Variants in EPHX2 observed in about 807,000 individuals in gnomAD.
EPHX2 encodes bifunctional epoxide hydrolase 2.
EPHX2 carries 74 observed loss-of-function variants against 78.7 expected under a neutral mutation model. The observed-to-expected ratio is 0.94, with a 90% CI of 0.78 to 1.14. The LOEUF (loss-of-function observed/expected upper bound fraction) is 1.14. Among genes scored for constraint, EPHX2 ranks in the 50% most tolerant of loss-of-function variants. The pLI is 0.00. For synonymous variants in EPHX2, 251 were observed against 255.2 expected (o/e 0.98, Z 0.16); for missense variants, 715 against 702.5 (o/e 1.02, Z -0.20).
intron 1 of EPHX2, among the ~76,000 whole-genome samples, chr8:27,494,351 G>A (rs1255922162): frequency 6.6e-6 from 1 of 152,208 alleles, no homozygotes; most frequent in Non-Finnish European, 1.5e-5. Flanking sequence ...CACAGTGAAG[G>A]TGATATTGTA....
chr8:27,520,361 T>C (rs1187133887), intron 9 of EPHX2, among the ~76,000 whole-genome samples: 1 of 151,742 alleles, frequency 6.6e-6, no homozygotes, highest in African/African-American at 2.4e-5. Flanking sequence ...TTGGGTTTTT[T>C]TTTTGAGATG....
At chr8:27,531,224 G>A (rs906923568) in intron 12 of EPHX2, among the ~76,000 whole-genome samples, 1 of 152,170 alleles carries the variant, frequency 6.6e-6, no homozygotes, top group Non-Finnish European at 1.5e-5. Flanking sequence ...CTTCAACGAG[G>A]CACTTAAGGC....
At chr8:27,536,727 G>A (rs1815223290) in intron 12 of EPHX2, 57 bp from the exon 13 acceptor site, 2 of 1,588,640 alleles carry the variant, frequency 1.3e-6, no homozygotes, top group African/African-American at 1.3e-5. Context: ...ATGAAGGAGG[G>A]GTACAGTTTC....
intron 1 of EPHX2, among the ~76,000 whole-genome samples, chr8:27,497,319 G>A (rs1813607020): frequency 6.6e-6 from 1 of 152,180 alleles, no homozygotes; most frequent in South Asian, 2.1e-4. Flanking sequence ...TTGGCATAGT[G>A]GACATGGGTG....
intron 15 of EPHX2, 121 bp from the exon 16 acceptor site, chr8:27,541,352 C>A: frequency 2.0e-6 from 2 of 1,023,148 alleles, no homozygotes; most frequent in South Asian, 1.4e-5. Context: ...ATTCTCTTGC[C>A]CCTGCAGGAG....
Position 27,514,334 on chromosome 8 carries a change from G to T in EPHX2, c.736-1384G>T, listed in dbSNP as rs528842715. Among the ~76,000 whole-genome samples the T allele has an allele frequency of 9.8e-5, 15 of 152,318 alleles. No individual in the cohort carries two copies. The South Asian group carries it at 2.7e-3, about 27-fold the overall frequency. Reference sequence around the variant, plus strand: ...ACACTGCCCAAAAAAGAAACTTCCAGTGTGGGGCACAGCTTGGAGTCATCT... The same window carrying T: ...ACACTGCCCAAAAAAGAAACTTCCATTGTGGGGCACAGCTTGGAGTCATCT... On this transcript the variant is annotated intron_variant, in intron 6 of 18. Coordinates refer to ENST00000521400, the MANE Select transcript of EPHX2 (RefSeq NM_001979.6).
rs767516777 is a variant in EPHX2, at chr8:27,543,775, G to T, written c.1476G>T (p.Thr492=). Residue 492 remains threonine, a synonymous_variant, in exon 17 of 19, where the codon ACG becomes ACT. Transcript: ENST00000521400. The part of the protein sequence containing the change: ...RKILIPALMV[T]AEKDFVLVPQ... ...TCCTGATTCCGGCCCTGATGGTCAC[G>T]GCGGAGAAGGACTTCGTGCTCGTTC... 6.2e-7 allele frequency: 1 copy of T among 1,614,076 alleles called. No homozygotes were observed. Among genetic ancestry groups the T allele is most frequent in the Non-Finnish European group, 8.5e-7 (1 of 1,180,004 alleles).
At chr8:27,535,349 A>G (rs1815177680) in intron 12 of EPHX2, among the ~76,000 whole-genome samples, 2 of 151,824 alleles carry the variant, frequency 1.3e-5, no homozygotes, top group South Asian at 4.2e-4. Flanking sequence ...CTAATTTTGT[A>G]TTTTTGGTAG....
chr8:27,493,306 T>C (rs999529860), intron 1 of EPHX2: 5 of 152,954 alleles, frequency 3.3e-5, no homozygotes, highest in African/African-American at 1.2e-4. Flanking sequence ...CAGCATCCTG[T>C]ACTATCCCTG....
chr8:27,527,380 G>A (rs1814883550), intron 12 of EPHX2, among the ~76,000 whole-genome samples: 1 of 152,114 alleles, frequency 6.6e-6, no homozygotes, highest in African/African-American at 2.4e-5. Context: ...ATTTTTAATT[G>A]TGGTAAAACA....
At chr8:27,492,321 T>C (rs6981224) in intron 1 of EPHX2, among the ~76,000 whole-genome samples, 19,655 of 152,132 alleles carry the variant, frequency 0.13, 1,475 homozygotes, top group African/African-American at 0.22. Context: ...CCAGCCTGGG[T>C]GAAAGAGCAA....
At chr8:27,534,642 TA>T (rs1815153070) in intron 12 of EPHX2, among the ~76,000 whole-genome samples, 1 of 151,172 alleles carries the variant, frequency 6.6e-6, no homozygotes, top group Non-Finnish European at 1.5e-5. Flanking sequence ...AGACTCCATC[TA>T]AAAAAAATAA....
At position 27,515,151 on chromosome 8, in the gene EPHX2, C is replaced by T. The variant is rs1814400882; in HGVS notation, c.736-567C>T. ...GATTCCAACAGCGAGGCGGGAAGTG[C>T]TGTGGCAGGGAACTCTGGCCTTGCA... On this transcript the variant is annotated intron_variant, in intron 6 of 18. Coordinates refer to ENST00000521400, the MANE Select transcript of EPHX2 (RefSeq NM_001979.6). 2.0e-5 allele frequency among the ~76,000 whole-genome samples: 3 copies of T among 152,128 alleles called. No homozygotes were observed. In the South Asian group the frequency reaches 6.2e-4, roughly 31 times the overall value.
At position 27,501,006 on chromosome 8, in the gene EPHX2, C is replaced by A; in HGVS notation, c.182C>A (p.Ser61Tyr). The stretch of plus-strand genomic sequence containing the variant: ...CTTATGAAAGGAGAGATCACACTTT[C>A]CCAGGTGAGGGGACATCACCACACA... ...TRLMKGEITL[S>Y]QWIPLMEENC... is the part of the protein sequence containing the mutation. The change falls in exon 2 of 19, where the codon TCC becomes TAC. Residue 61 changes from serine to tyrosine, a missense_variant. Transcript: ENST00000521400. 1.9e-6 allele frequency: 3 copies of A among 1,613,136 alleles called. No homozygotes were observed. The highest frequency in any genetic ancestry group is 1.7e-6 in the Non-Finnish European group (2 of 1,179,484).
chr8:27,500,312 C>T (rs574780542), intron 1 of EPHX2, among the ~76,000 whole-genome samples: 3 of 152,262 alleles, frequency 2.0e-5, no homozygotes, highest in East Asian at 1.9e-4. Flanking sequence ...CTTCACCCTC[C>T]GCCATGATTG....
intron 18 of EPHX2, 82 bp downstream of exon 18, chr8:27,544,326 T>A (rs555087337): frequency 6.2e-7 from 1 of 1,601,186 alleles, no homozygotes; most frequent in African/African-American, 1.3e-5. Flanking sequence ...GGTTTCATTG[T>A]GCTGGCTTTG....
rs1205319419 is a variant in EPHX2 at position 27,491,221 on chromosome 8, G to T, written c.13G>T (p.Ala5Ser). The T allele has an allele frequency of 6.3e-7, 1 of 1,582,620 alleles. No individual in the cohort carries two copies. The highest frequency in any genetic ancestry group is 8.5e-7 in the Non-Finnish European group (1 of 1,173,126). The change falls in exon 1 of 19, where the codon GCG (alanine) becomes TCG (serine). Residue 5 changes from alanine to serine, a missense_variant. Transcript: ENST00000521400. ...CAGACCCGCCGCCATGACGCTGCGC[G>T]CGGCCGTCTTCGACCTTGACGGGGT... MTLR[A>S]AVFDLDGVLA...
At chr8:27,501,337 T>TTCTTCTTCTTCC (rs1306279175) in intron 2 of EPHX2, among the ~76,000 whole-genome samples, 4 of 96,664 alleles carry the variant, frequency 4.1e-5, no homozygotes, top group African/African-American at 2.0e-4. Flanking sequence ...CTTCTTCTTC[T>TTCTTCTTCTTCC]TCTTCTTCTT....
At position 27,503,725 on chromosome 8, in the gene EPHX2, G is replaced by A. The variant is rs142029565; in HGVS notation, c.308G>A (p.Arg103His). The A allele has an allele frequency of 7.4e-6, 12 of 1,613,268 alleles. No homozygotes were observed. Among genetic ancestry groups the A allele is most frequent in the South Asian group, 3.3e-5 (3 of 91,038 alleles). Residue 103 changes from arginine (R) to histidine (H), a missense_variant, in exon 3 of 19, where the codon CGC (arginine) becomes CAC (histidine). Coordinates refer to ENST00000521400, the MANE Select transcript of EPHX2 (RefSeq NM_001979.6). Reference protein sequence around the residue: ...DKAISARKINRPMLQAALMLR... With the variant: ...DKAISARKINHPMLQAALMLR... ...GCGATTTCAGCCAGAAAGATCAACC[G>A]CCCCATGCTCCAGGCAGCTCTCATG...
Sources: allele counts gnomAD v4.1 joint callset (sites outside exome capture counted in the v4.1 genomes callset), GRCh38; gene constraint gnomAD v4.1.1; transcripts MANE v1.5; gene names NCBI Gene and HGNC (gene_info 2026-07-23, HGNC 2026-07-21).